Variants in CLASP1 observed in about 807,000 individuals in gnomAD.
CLASP1 encodes cytoplasmic linker associated protein 1.
Under a neutral mutation model 192.3 loss-of-function variants are expected in CLASP1, and 38 were observed. The ratio of observed to expected loss-of-function variants is 0.20; its 90% CI spans 0.15 to 0.26. The LOEUF is 0.26. CLASP1 is among the 10% of genes least tolerant of loss of function. CLASP1 has a pLI of 1.00. For missense variants in CLASP1, 1,433 were observed against 1,932.5 expected, an observed-to-expected ratio of 0.74 and a Z score of 4.85; for synonymous variants, 691 against 712.8, an observed-to-expected ratio of 0.97 and a Z score of 0.49.
intron 8 of CLASP1, among the ~76,000 whole-genome samples, chr2:121,485,092 G>A (rs1031443977): frequency 1.3e-5 from 2 of 152,226 alleles, no homozygotes; most frequent in South Asian, 2.1e-4. Flanking sequence ...TGGTGGTTCA[G>A]AGAAGGCCAA....
At chr2:121,631,713 A>C (rs1305698725) in intron 1 of CLASP1, among the ~76,000 whole-genome samples, 11 of 151,928 alleles carry the variant, frequency 7.2e-5, no homozygotes, top group Admixed American at 2.0e-4. Context: ...GAGTTTGAGA[A>C]CAGCCTGGGC....
intron 1 of CLASP1, among the ~76,000 whole-genome samples, chr2:121,648,908 G>A (rs1299152255): frequency 1.3e-5 from 2 of 152,082 alleles, no homozygotes; most frequent in East Asian, 1.9e-4. Context: ...CCCGCCTCCC[G>A]GCACCCCTTC....
rs2072413733 is a variant in CLASP1, at chr2:121,383,947, C to G, written c.3375-1623G>C. 2.7e-5 allele frequency among the ~76,000 whole-genome samples: 4 copies of G among 149,688 alleles called. No individual in the cohort carries two copies. The South Asian group carries it at 8.5e-4, about 32-fold the overall frequency. On this transcript the variant is annotated intron_variant, in intron 32 of 39. Transcript: ENST00000263710. The stretch of plus-strand genomic sequence containing the variant: ...TAACCTATTATCTACAGCATCTCTA[C>G]TACTACTGGGTTGATAAAAAAAAAA...
intron 9 of CLASP1, among the ~76,000 whole-genome samples, chr2:121,464,264 G>T (rs1235443098): frequency 2.6e-5 from 4 of 151,872 alleles, no homozygotes; most frequent in Non-Finnish European, 4.4e-5. Context: ...ATTTGGGTTG[G>T]TTCCAAGTCT....
chr2:121,613,312 A>G (rs1055325413), intron 1 of CLASP1, among the ~76,000 whole-genome samples: 3 of 152,216 alleles, frequency 2.0e-5, no homozygotes, highest in Non-Finnish European at 2.9e-5. Flanking sequence ...CCACAGGGCC[A>G]AAACAATAAA....
chr2:121,430,355 A>G (rs1574719386), intron 19 of CLASP1, among the ~76,000 whole-genome samples, 178 bp from the exon 20 acceptor site: 1 of 152,400 alleles, frequency 6.6e-6, no homozygotes, highest in Non-Finnish European at 1.5e-5. Flanking sequence ...GTGCATGCGC[A>G]CATGCGCATA....
At chr2:121,561,148 C>A (rs1381597795) in intron 2 of CLASP1, among the ~76,000 whole-genome samples, 1 of 152,168 alleles carries the variant, frequency 6.6e-6, no homozygotes, top group African/African-American at 2.4e-5. Flanking sequence ...CTCAGGTGAT[C>A]CAACCACCTC....
intron 2 of CLASP1, among the ~76,000 whole-genome samples, chr2:121,543,017 G>A (rs1255155022): frequency 1.3e-5 from 2 of 152,220 alleles, no homozygotes; most frequent in Non-Finnish European, 2.9e-5. Flanking sequence ...GCCACTAGCC[G>A]CATATGGTTA....
chr2:121,444,641 C>T (rs2083990701), intron 19 of CLASP1, among the ~76,000 whole-genome samples: 1 of 152,158 alleles, frequency 6.6e-6, no homozygotes, highest in South Asian at 2.1e-4. Flanking sequence ...GACAGTAGCA[C>T]ACAGTGTGAC....
intron 38 of CLASP1, 63 bp from the exon 40 acceptor site, chr2:121,347,217 T>A (rs529184914): frequency 6.5e-5 from 74 of 1,141,978 alleles, no homozygotes; most frequent in Admixed American, 2.4e-4. Context: ...ATAGCCAACA[T>A]CTCATCAACG....
chr2:121,577,033 G>A (rs539399639), intron 2 of CLASP1, among the ~76,000 whole-genome samples: 1 of 152,054 alleles, frequency 6.6e-6, no homozygotes, highest in South Asian at 2.1e-4. Flanking sequence ...ACCTTATTAC[G>A]GATACATATT....
At chr2:121,627,694 G>A (rs576982723) in intron 1 of CLASP1, among the ~76,000 whole-genome samples, 10 of 152,314 alleles carry the variant, frequency 6.6e-5, no homozygotes, top group East Asian at 1.9e-4. Flanking sequence ...TCTGACGGAC[G>A]AGGAAAACGT....
chr2:121,558,504 A>G (rs1174737068), intron 2 of CLASP1, among the ~76,000 whole-genome samples: 4 of 152,204 alleles, frequency 2.6e-5, no homozygotes, highest in Non-Finnish European at 5.9e-5. Flanking sequence ...TGAATGAATT[A>G]ATGGGTTATC....
chr2:121,367,784 C>T (rs778364630), exon 35 of CLASP1: 12 of 1,613,882 alleles, frequency 7.4e-6, no homozygotes, highest in Non-Finnish European at 4.2e-6. Context: ...CTTCACTACC[C>T]CCCCGGCCCT....
rs547477855 is a variant in CLASP1 at position 121,455,074 on chromosome 2, G to T, written c.1385+2613C>A. Among the ~76,000 whole-genome samples the T allele has an allele frequency of 8.9e-4, 135 of 152,170 alleles. 1 individual carries two copies. The highest frequency in any genetic ancestry group is 1.5e-3 in the Non-Finnish European group (103 of 68,032). On this transcript the variant is annotated intron_variant, in intron 14 of 39. Transcript: ENST00000263710. ...CAACTTTACATTCTCATCTCTAGGGGAAGCTAAAGCTGTTCCACTCTAACC... is the reference window on the plus strand; with the variant it reads ...CAACTTTACATTCTCATCTCTAGGGTAAGCTAAAGCTGTTCCACTCTAACC...
At chr2:121,388,277 C>A (rs2073702650) in intron 30 of CLASP1, among the ~76,000 whole-genome samples, 2 of 152,186 alleles carry the variant, frequency 1.3e-5, no homozygotes, top group African/African-American at 4.8e-5. Flanking sequence ...CAGAACTGAA[C>A]AGGGATCTCA....
chr2:121,341,709 A>G (rs557741263), intron 39 of CLASP1, among the ~76,000 whole-genome samples: 2 of 152,364 alleles, frequency 1.3e-5, no homozygotes, highest in South Asian at 2.1e-4. Flanking sequence ...TCCACCCTCA[A>G]TAATGGATAA....
intron 2 of CLASP1, among the ~76,000 whole-genome samples, chr2:121,543,422 C>T (rs933412688): frequency 3.3e-5 from 5 of 152,138 alleles, no homozygotes; most frequent in East Asian, 3.8e-4. Context: ...CCAGATACAT[C>T]CCATAAACAT....
intron 1 of CLASP1, among the ~76,000 whole-genome samples, 175 bp downstream of exon 1, chr2:121,649,197 G>A (rs1023947678): frequency 2.0e-5 from 3 of 151,998 alleles, no homozygotes; most frequent in Non-Finnish European, 4.4e-5. Flanking sequence ...CTCGCATCCC[G>A]CTCCTCGCCA....
Sources: gnomAD v4.1 joint callset for allele counts (sites outside exome capture counted in the v4.1 genomes callset) on GRCh38, gnomAD v4.1.1 for gene constraint, MANE v1.5 for transcripts, NCBI Gene and HGNC (gene_info 2026-07-23, HGNC 2026-07-21) for gene names.